AMPD3: variants seen among roughly 807,000 people sequenced by gnomAD.
AMPD3 encodes AMP deaminase 3.
A neutral mutation model predicts 82.3 loss-of-function variants in AMPD3; 57 were observed. That is an observed-to-expected ratio of 0.69 (90% CI 0.56 to 0.86). The LOEUF (loss-of-function observed/expected upper bound fraction) is 0.86, where lower values mean the gene tolerates loss of function less well. AMPD3 is among the 40% of genes least tolerant of loss of function. AMPD3 has a pLI of 0.00. For synonymous variants in AMPD3, 381 were observed against 394.7 expected (o/e 0.97, Z 0.41); for missense variants, 870 against 1,003.8 (o/e 0.87, Z 1.80).
chr11:10,488,266 G>A, intron 6 of AMPD3: 1 of 985,432 alleles, frequency 1.0e-6, no homozygotes, highest in Non-Finnish European at 1.2e-6. Flanking sequence ...TGAGGCACAG[G>A]GTCAGTGCTA....
At position 10,456,101 on chromosome 11, in the gene AMPD3, C is replaced by G. The variant is rs1253191676; in HGVS notation, c.-6+653C>G. ...GTGAAGAGGGCCAGGACACTGCATT[C>G]AGGATACCACAGCCATTTTGTTTTG... On this transcript the variant is annotated intron_variant, in intron 1 of 14. Coordinates refer to ENST00000396553, the MANE Select transcript of AMPD3 (RefSeq NM_001025389.2). This position sits in a 1 kb window ranked among gnomAD's most constrained non-coding sequence, Gnocchi z 4.3. The G allele has an allele frequency of 9.4e-6, 12 of 1,278,708 alleles. No individual in the cohort carries two copies. Among genetic ancestry groups the G allele is most frequent in the African/African-American group, 9.0e-5 (6 of 66,370 alleles). 79.2% of individuals were successfully genotyped at this position (1,278,708 alleles called of 1,614,324 possible).
At chr11:10,488,932 C>T (rs1849159883) in intron 6 of AMPD3, among the ~76,000 whole-genome samples, 1 of 152,178 alleles carries the variant, frequency 6.6e-6, no homozygotes, top group Admixed American at 6.5e-5. Flanking sequence ...GAAGACCCTA[C>T]CTGGAGGCCC....
At chr11:10,473,469 A>G in intron 2 of AMPD3, 1 of 985,190 alleles carries the variant, frequency 1.0e-6, no homozygotes, top group Non-Finnish European at 1.2e-6. Flanking sequence ...GTTGTGGGGA[A>G]GGGAGGATGG....
chr11:10,496,615 T>A, intron 9 of AMPD3, 197 bp from the exon 10 acceptor site: 2 of 1,447,484 alleles, frequency 1.4e-6, no homozygotes, highest in Non-Finnish European at 1.8e-6. Context: ...GGTGTGGAGC[T>A]TGCAAACCAA....
At chr11:10,462,679 C>T (rs1011732201) in intron 2 of AMPD3, among the ~76,000 whole-genome samples, 4 of 151,812 alleles carry the variant, frequency 2.6e-5, no homozygotes, top group Non-Finnish European at 5.9e-5. Flanking sequence ...CCAGGAGCAG[C>T]GCAAGTGCTA....
intron 1 of AMPD3, among the ~76,000 whole-genome samples, chr11:10,460,421 T>C (rs866064901): frequency 4.6e-5 from 7 of 151,734 alleles, no homozygotes; most frequent in Middle Eastern, 3.4e-3. Context: ...TTTTTTTTTT[T>C]TTTGAGGCAG....
chr11:10,478,749 T>C lies in AMPD3; in HGVS notation c.426+19T>C, dbSNP rs1270507868. The C allele has an allele frequency of 6.2e-7, 1 of 1,606,988 alleles. No homozygotes were observed. ...TGCCGGGGTAAGGCGTCTGTGAGAG[T>C]GTTGAATGTGCCTTGCATGCAAAGG... is the stretch of plus-strand genomic sequence containing the variant. On this transcript the variant is annotated intron_variant, in intron 3 of 14. Transcript: ENST00000396553.
chr11:10,487,077 C>T (rs909840217), intron 5 of AMPD3, 158 bp from the exon 6 acceptor site: 1 of 958,862 alleles, frequency 1.0e-6, no homozygotes, highest in East Asian at 1.2e-4. Flanking sequence ...TATGACTCAA[C>T]AGTTCAGCAG....
Position 10,506,035 on chromosome 11 carries a change from T to C in AMPD3, c.*151T>C, listed in dbSNP as rs1849707505. ...TGGTGATTTTGGTTGCACTGCTCACTTTAAGAGTTAACATGCTCACTTGTT... is the reference window on the plus strand; with the variant it reads ...TGGTGATTTTGGTTGCACTGCTCACCTTAAGAGTTAACATGCTCACTTGTT... On this transcript the variant is annotated 3_prime_UTR_variant, in exon 15 of 15. Transcript: ENST00000396553. This position sits in a 1 kb window ranked among gnomAD's most constrained non-coding sequence, Gnocchi z 4.1. 1 of 813,712 alleles carries C rather than the reference T, an allele frequency of 1.2e-6. No homozygotes were observed. The highest frequency in any genetic ancestry group is 1.4e-5 in the South Asian group (1 of 69,078). The allele number at this position is 813,712 out of a possible 1,614,324, so 50.4% of individuals were successfully genotyped here. A position where few individuals can be genotyped will look rare whatever the true frequency, so the allele number is the denominator to read the frequency against.
intron 6 of AMPD3, among the ~76,000 whole-genome samples, chr11:10,490,125 C>T (rs141245617): frequency 3.9e-5 from 6 of 152,250 alleles, no homozygotes; most frequent in East Asian, 1.9e-4. Flanking sequence ...GCAGGAGCTG[C>T]GACGTGGCCG....
At chr11:10,483,858 T>G (rs917038885) in intron 4 of AMPD3, among the ~76,000 whole-genome samples, 1 of 152,206 alleles carries the variant, frequency 6.6e-6, no homozygotes, top group Non-Finnish European at 1.5e-5. Context: ...ATCTTGAGGT[T>G]TGCTCCTGCC....
intron 5 of AMPD3, 59 bp downstream of exon 5, chr11:10,485,098 G>T (rs767532023): frequency 4.6e-6 from 7 of 1,508,624 alleles, no homozygotes; most frequent in African/African-American, 2.8e-5. Context: ...GTAGGAAGGA[G>T]ATGAGAAAGG....
intron 7 of AMPD3, among the ~76,000 whole-genome samples, chr11:10,494,100 A>C (rs745702020): frequency 4.1e-4 from 62 of 152,366 alleles, no homozygotes; most frequent in Non-Finnish European, 8.2e-4. Context: ...CAACAGATGA[A>C]TGGGTAAACA....
At chr11:10,475,737 A>G (rs1848719566) in intron 2 of AMPD3, among the ~76,000 whole-genome samples, 1 of 152,158 alleles carries the variant, frequency 6.6e-6, no homozygotes, top group African/African-American at 2.4e-5. Flanking sequence ...AGAGATTCAA[A>G]GCAACAGCAC....
Position 10,458,502 on chromosome 11 carries a change from C to T in AMPD3, c.-5-3013C>T, listed in dbSNP as rs148575782. Among the ~76,000 whole-genome samples, 316 of 152,268 alleles carry T rather than the reference C, an allele frequency of 2.1e-3. 2 individuals carry two copies. Among genetic ancestry groups the T allele is most frequent in the African/African-American group, 7.3e-3 (302 of 41,562 alleles). On this transcript the variant is annotated intron_variant, in intron 1 of 14. Transcript: ENST00000396553. ...AAAATATCCTCTCACACACAGGCAG[C>T]CCTGCCACCTGGTCATTTTGACTGC...
intron 6 of AMPD3, among the ~76,000 whole-genome samples, chr11:10,490,054 G>A (rs1046009597): frequency 6.6e-6 from 1 of 152,128 alleles, no homozygotes; most frequent in East Asian, 1.9e-4. Flanking sequence ...CTGGATGATG[G>A]CCTCCGTATG....
chr11:10,484,480 C>A (rs868355023), intron 4 of AMPD3: 1 of 985,158 alleles, frequency 1.0e-6, no homozygotes, highest in African/African-American at 1.7e-5. Flanking sequence ...GAAAATGAAG[C>A]CCATTTCAGT....
At chr11:10,473,739 T>A in intron 2 of AMPD3, 1 of 406,998 alleles carries the variant, frequency 2.5e-6, no homozygotes, top group Non-Finnish European at 3.3e-6. Context: ...ACAGGGAAGG[T>A]GTCAGCCCCT....
rs556650882 is a variant in AMPD3, at chr11:10,486,370, G to A, written c.810-865G>A. On this transcript the variant is annotated intron_variant, in intron 5 of 14. Coordinates refer to ENST00000396553, the MANE Select transcript of AMPD3 (RefSeq NM_001025389.2). ...TTGTTTTGGGGGCCTGAGGAAGCAG[G>A]GTAGCGTGAATTGTGGTCGAAGGTT... Among the ~76,000 whole-genome samples the A allele has an allele frequency of 1.8e-3, 278 of 152,274 alleles. 1 individual carries two copies. Among genetic ancestry groups the A allele is most frequent in the African/African-American group, 6.5e-3 (268 of 41,544 alleles).
Sources: gnomAD v4.1 joint callset for allele counts (sites outside exome capture counted in the v4.1 genomes callset) on GRCh38, gnomAD v4.1.1 for gene constraint, Gnocchi (gnomAD v3.1) non-coding constraint, MANE v1.5 for transcripts, NCBI Gene and HGNC (gene_info 2026-07-23, HGNC 2026-07-21) for gene names.